ARL15: variants seen among roughly 807,000 people sequenced by gnomAD.
The protein encoded by ARL15 is ARF like GTPase 15.
ARL15 carries 19 observed loss-of-function variants against 25.2 expected under a neutral mutation model. The ratio of observed to expected loss-of-function variants is 0.75; its 90% CI spans 0.53 to 1.10. ARL15 has a LOEUF of 1.10. ARL15 is among the 50% of genes least tolerant of loss of function. ARL15 has a pLI of 0.00. For synonymous variants in ARL15, 94 were observed against 86.8 expected (o/e 1.08, Z -0.46); for missense variants, 220 against 246.0 (o/e 0.89, Z 0.71).
At chr5:54,022,735 G>A (rs1749648272) in intron 4 of ARL15, among the ~76,000 whole-genome samples, 1 of 152,044 alleles carries the variant, frequency 6.6e-6, no homozygotes, top group Non-Finnish European at 1.5e-5. Flanking sequence ...ATTGTGTGGG[G>A]CTCCCGTCTA....
At chr5:54,296,009 G>C (rs564709732) in intron 1 of ARL15, among the ~76,000 whole-genome samples, 1 of 152,166 alleles carries the variant, frequency 6.6e-6, no homozygotes, top group East Asian at 1.9e-4. Context: ...GAGTCGGCTC[G>C]TGTGGCCGAA....
Position 53,886,333 on chromosome 5 carries a change from G to A in ARL15, c.*228C>T. The A allele has an allele frequency of 2.1e-6, 1 of 470,846 alleles. No homozygotes were observed. The allele number at this position is 470,846 out of a possible 1,614,324, so 29.2% of individuals were successfully genotyped here. A position where few individuals can be genotyped will look rare whatever the true frequency, so the allele number is the denominator to read the frequency against. ...AGACATGCGGGGAAGATAATTAGTG[G>A]TAAACAGAGAATAAATTCTCTCTCA... is the stretch of plus-strand genomic sequence containing the variant. On this transcript the variant is annotated 3_prime_UTR_variant, in exon 5 of 5. Transcript: ENST00000504924.
intron 4 of ARL15, among the ~76,000 whole-genome samples, chr5:54,002,619 A>G (rs1487466276): frequency 6.6e-6 from 1 of 152,218 alleles, no homozygotes; most frequent in Non-Finnish European, 1.5e-5. Flanking sequence ...AGGATTTGGA[A>G]CAAATTTTGG....
chr5:54,306,076 C>CCACA (rs1455776283), intron 1 of ARL15, among the ~76,000 whole-genome samples: 2 of 152,178 alleles, frequency 1.3e-5, no homozygotes, highest in African/African-American at 4.8e-5. Flanking sequence ...TCCTCTAGAG[C>CCACA]CACACGACTG....
intron 1 of ARL15, among the ~76,000 whole-genome samples, chr5:54,289,870 T>C (rs917721911): frequency 1.3e-5 from 2 of 152,246 alleles, no homozygotes; most frequent in Non-Finnish European, 2.9e-5. Flanking sequence ...TATATTTTAA[T>C]TGAATATCTG....
chr5:53,967,550 T>C (rs1489317900), intron 4 of ARL15, among the ~76,000 whole-genome samples: 1 of 152,174 alleles, frequency 6.6e-6, no homozygotes, highest in Non-Finnish European at 1.5e-5. Context: ...TGCTATTCAC[T>C]GCCTCTGAGA....
At chr5:54,184,941 T>C (rs925531958) in intron 1 of ARL15, among the ~76,000 whole-genome samples, 1 of 152,108 alleles carries the variant, frequency 6.6e-6, no homozygotes, top group African/African-American at 2.4e-5. Context: ...ATACCATGTT[T>C]TTCCCGTGAT....
At chr5:54,144,769 C>A (rs1753860454) in intron 3 of ARL15, among the ~76,000 whole-genome samples, 1 of 152,150 alleles carries the variant, frequency 6.6e-6, no homozygotes, top group South Asian at 2.1e-4. Context: ...ACCCACCTGG[C>A]AGTCAGCACA....
At chr5:54,081,965 C>A (rs899924248) in intron 4 of ARL15, among the ~76,000 whole-genome samples, 1 of 101,354 alleles carries the variant, frequency 9.9e-6, no homozygotes, top group African/African-American at 2.9e-5. Context: ...ATGGCGGGCA[C>A]CTGTAATCCC....
chr5:53,995,345 T>TA (rs35144551), intron 4 of ARL15, among the ~76,000 whole-genome samples: 3,308 of 150,994 alleles, frequency 0.022, 145 homozygotes, highest in African/African-American at 0.076. Flanking sequence ...GGGATTTTTT[T>TA]AAATGATGTG....
At chr5:54,107,590 A>C (rs563278241) in intron 4 of ARL15, among the ~76,000 whole-genome samples, 2 of 152,150 alleles carry the variant, frequency 1.3e-5, no homozygotes, top group Non-Finnish European at 2.9e-5. Flanking sequence ...GAAGCACTTC[A>C]GAGGCAGAAG....
At chr5:54,005,879 AAAAC>A (rs1749020156) in intron 4 of ARL15, among the ~76,000 whole-genome samples, 2 of 80,580 alleles carry the variant, frequency 2.5e-5, no homozygotes, top group African/African-American at 9.8e-5. Context: ...AAAAACCAAA[AAAAC>A]CCAAAAATAG....
At chr5:54,171,328 G>T (rs963467324) in intron 2 of ARL15, among the ~76,000 whole-genome samples, 3 of 152,166 alleles carry the variant, frequency 2.0e-5, no homozygotes, top group African/African-American at 7.2e-5. Flanking sequence ...ATAGGGGAAG[G>T]CTGATGCATG....
intron 3 of ARL15, among the ~76,000 whole-genome samples, chr5:54,120,845 T>G (rs967912406): frequency 6.6e-6 from 1 of 152,198 alleles, no homozygotes; most frequent in Non-Finnish European, 1.5e-5. Context: ...AGAAAGATAT[T>G]TGTTGCATAC....
chr5:54,157,940 G>A (rs1226969496), intron 2 of ARL15, among the ~76,000 whole-genome samples: 3 of 152,102 alleles, frequency 2.0e-5, no homozygotes, highest in Non-Finnish European at 4.4e-5. Context: ...ATTTACAGAA[G>A]AGAAACAATG....
At chr5:54,063,137 A>G (rs972801424) in intron 4 of ARL15, among the ~76,000 whole-genome samples, 5 of 152,234 alleles carry the variant, frequency 3.3e-5, no homozygotes, top group African/African-American at 1.2e-4. Context: ...AAACCCCTAA[A>G]CAATGGGTAA....
At chr5:54,006,248 G>A (rs1275319609) in intron 4 of ARL15, among the ~76,000 whole-genome samples, 2 of 152,018 alleles carry the variant, frequency 1.3e-5, no homozygotes, top group Non-Finnish European at 2.9e-5. Context: ...ACATTTCCTA[G>A]ATATACCCCA....
At chr5:54,202,681 C>T (rs932329512) in intron 1 of ARL15, among the ~76,000 whole-genome samples, 1 of 151,988 alleles carries the variant, frequency 6.6e-6, no homozygotes, top group Non-Finnish European at 1.5e-5. Context: ...AAAACTAATA[C>T]AAGTGGGATG....
At chr5:54,153,600 T>C (rs1754133119) in intron 3 of ARL15, among the ~76,000 whole-genome samples, 1 of 152,190 alleles carries the variant, frequency 6.6e-6, no homozygotes. Context: ...ATGGTTGTTT[T>C]ATATATTAAT....
Sources: gnomAD v4.1 joint callset for allele counts (sites outside exome capture counted in the v4.1 genomes callset) on GRCh38, gnomAD v4.1.1 for gene constraint, MANE v1.5 for transcripts, NCBI Gene and HGNC (gene_info 2026-07-23, HGNC 2026-07-21) for gene names.